The following PCDHA5 variants were observed in gnomAD, a reference collection of about 807,000 sequenced individuals.
PCDHA5 encodes protocadherin alpha-5.
In PCDHA5, 43 loss-of-function variants were observed where a neutral mutation model predicts 61.6. That is an observed-to-expected ratio of 0.70 (90% confidence interval 0.55 to 0.90). The LOEUF (loss-of-function observed/expected upper bound fraction) is 0.90, where lower values mean the gene tolerates loss of function less well. PCDHA5 is among the 40% of genes least tolerant of loss of function. The pLI is 0.00. For missense variants in PCDHA5, 1,298 were observed against 1,222.7 expected, an observed-to-expected ratio of 1.06 and a Z score of -0.92; for synonymous variants, 627 against 543.9, an observed-to-expected ratio of 1.15 and a Z score of -2.13.
chr5:140,850,140 G>C (rs2150469344), intron 1 of PCDHA5: 2 of 1,595,708 alleles, frequency 1.3e-6, no homozygotes, highest in East Asian at 2.2e-5. Flanking sequence ...GGGCAGCAAC[G>C]TGACGCTGCA....
Position 140,828,302 on chromosome 5 carries a change from C to T in PCDHA5, c.2352+4175C>T, listed in dbSNP as rs2150153746. ...CCTGTTCAGGATGGCCTCCAAAGACCGCGAGGACCTTCTGGAGGTAAATCT... is the reference window on the plus strand; with the variant it reads ...CCTGTTCAGGATGGCCTCCAAAGACTGCGAGGACCTTCTGGAGGTAAATCT... On this transcript the variant is annotated intron_variant, in intron 1 of 3. Coordinates refer to ENST00000529859, the MANE Select transcript of PCDHA5 (RefSeq NM_018908.3). 3.1e-6 allele frequency: 5 copies of T among 1,614,032 alleles called. No individual in the cohort carries two copies. In the East Asian group the frequency reaches 1.1e-4, roughly 36 times the overall value.
In PCDHA5 at chr5:140,843,032, G is replaced by A. The variant is rs2150350640; in HGVS notation, c.2352+18905G>A. The stretch of plus-strand genomic sequence containing the variant: ...GCCGGCACTGCTGGAGCCTCGGGTG[G>A]GTGGCACTGGTGGCGCAGCGAGCAA... On this transcript the variant is annotated intron_variant, in intron 1 of 3. Coordinates refer to ENST00000529859, the MANE Select transcript of PCDHA5 (RefSeq NM_018908.3). 13 of 1,595,002 alleles carry A rather than the reference G, an allele frequency of 8.2e-6. 1 individual carries two copies. In the South Asian group the frequency reaches 1.1e-4, roughly 14 times the overall value.
chr5:140,985,357 C>T (rs577732404), intron 3 of PCDHA5, among the ~76,000 whole-genome samples: 1 of 152,298 alleles, frequency 6.6e-6, no homozygotes, highest in East Asian at 1.9e-4. Flanking sequence ...TATAGACCCT[C>T]TGAGGTTATC....
At chr5:140,878,923 A>G (rs895670993) in intron 1 of PCDHA5, among the ~76,000 whole-genome samples, 8 of 152,222 alleles carry the variant, frequency 5.3e-5, no homozygotes, top group African/African-American at 1.9e-4. Flanking sequence ...AGCTTCAATC[A>G]ATAATTTTAA....
At position 140,841,479 on chromosome 5, in the gene PCDHA5, G is replaced by A. The variant is rs2150316299; in HGVS notation, c.2352+17352G>A. On this transcript the variant is annotated intron_variant, in intron 1 of 3. Transcript: ENST00000529859. The stretch of plus-strand genomic sequence containing the variant: ...GTGGGCCGGATCGCGCAGGACCTGG[G>A]GCTGGAGCTGGCGGAGCTGGTGCCG... The A allele has an allele frequency of 3.6e-4, 573 of 1,613,084 alleles. 4 individuals are homozygous for A. In the Admixed American group the frequency reaches 9.2e-3, roughly 26 times the overall value.
At chr5:140,966,626 C>T in intron 1 of PCDHA5, 9 of 925,184 alleles carry the variant, frequency 9.7e-6, no homozygotes, top group South Asian at 9.6e-5. Flanking sequence ...GAGGGAGCGG[C>T]CCCAGGCGCT....
intron 3 of PCDHA5, among the ~76,000 whole-genome samples, chr5:141,002,660 T>C (rs1366913026): frequency 1.3e-5 from 2 of 152,170 alleles, no homozygotes; most frequent in Admixed American, 1.3e-4. Context: ...AGGGCTCTTG[T>C]CAGGACCAAA....
intron 1 of PCDHA5, chr5:140,855,859 C>T: frequency 1.4e-6 from 1 of 728,300 alleles, no homozygotes; most frequent in Non-Finnish European, 2.2e-6. Flanking sequence ...CCGGATGTCG[C>T]TGTCGTCCAC....
At chr5:140,862,607 A>C in intron 1 of PCDHA5, 3 of 519,204 alleles carry the variant, frequency 5.8e-6, no homozygotes, top group Non-Finnish European at 1.2e-5. Flanking sequence ...GTGTTCGTGA[A>C]AGGTAACAAC....
At chr5:140,948,856 ATATTACTTCGGGTTTACTTT>A (rs1364138889) in intron 1 of PCDHA5, among the ~76,000 whole-genome samples, 11 of 151,588 alleles carry the variant, frequency 7.3e-5, no homozygotes, top group African/African-American at 2.7e-4. Context: ...TTGCCTTCTT[ATATTACTTCGGGTTTACTTT>A]GCTCTCTTTT....
chr5:140,891,481 C>G (rs2063126797), intron 1 of PCDHA5, among the ~76,000 whole-genome samples: 1 of 151,620 alleles, frequency 6.6e-6, no homozygotes, highest in Admixed American at 6.6e-5. Context: ...CTTTACATCA[C>G]TTTGAGCATA....
intron 1 of PCDHA5, chr5:140,881,495 T>C (rs2058735247): frequency 3.5e-6 from 1 of 288,914 alleles, no homozygotes; most frequent in Non-Finnish European, 5.2e-6. Flanking sequence ...TTTATGCACA[T>C]ACACACACTC....
At chr5:140,869,800 T>C (rs782065808) in intron 1 of PCDHA5, 2 of 1,612,808 alleles carry the variant, frequency 1.2e-6, no homozygotes, top group Non-Finnish European at 1.7e-6. Context: ...AGTCCAAGTC[T>C]TGGATGTCAA....
chr5:140,880,801 GAA>G (rs1193515493), intron 1 of PCDHA5, among the ~76,000 whole-genome samples: 5 of 152,182 alleles, frequency 3.3e-5, no homozygotes, highest in African/African-American at 1.2e-4. Flanking sequence ...ATAAATAGGT[GAA>G]TGACTCTAGA....
intron 1 of PCDHA5, chr5:140,861,384 C>G (rs1354784257): frequency 2.5e-5 from 11 of 437,330 alleles, no homozygotes; most frequent in African/African-American, 2.2e-4. Context: ...TGCGCAGGAC[C>G]TGGGTCTGGA....
chr5:140,928,293 G>GT (rs2085123670), intron 1 of PCDHA5: 1 of 1,614,032 alleles, frequency 6.2e-7, no homozygotes, highest in South Asian at 1.1e-5. Context: ...TAGGCCGAGT[G>GT]TTTGCCCAGG....
At chr5:140,858,089 G>T in intron 1 of PCDHA5, 2 of 1,597,872 alleles carry the variant, frequency 1.3e-6, no homozygotes, top group East Asian at 2.2e-5. Flanking sequence ...CTCGTCGCGG[G>T]CTTCAGTGGG....
chr5:140,824,338 T>C, intron 1 of PCDHA5: 3 of 621,360 alleles, frequency 4.8e-6, no homozygotes, highest in Non-Finnish European at 8.3e-6. Context: ...TATTAAGTGT[T>C]TTTAAAATAA....
intron 1 of PCDHA5, chr5:140,927,485 C>T: frequency 6.2e-7 from 1 of 1,614,098 alleles, no homozygotes; most frequent in Non-Finnish European, 8.5e-7. Context: ...CAGCGCGCCA[C>T]CCACCTGCTG....
Sources: gnomAD v4.1 joint callset for allele counts (sites outside exome capture counted in the v4.1 genomes callset) on GRCh38, gnomAD v4.1.1 for gene constraint, MANE v1.5 for transcripts, NCBI Gene and HGNC (gene_info 2026-07-23, HGNC 2026-07-21) for gene names.